The following STK3 variants were observed in gnomAD, a reference collection of about 807,000 sequenced individuals.
STK3 encodes serine/threonine-protein kinase 3.
A neutral mutation model predicts 58.0 loss-of-function variants in STK3; 41 were observed. That is an observed-to-expected ratio of 0.71 (90% CI 0.55 to 0.92). The LOEUF (loss-of-function observed/expected upper bound fraction) is 0.92, where lower values mean the gene tolerates loss of function less well. STK3 is among the 40% of genes least tolerant of loss of function. The pLI, the probability that STK3 is intolerant of heterozygous loss-of-function variation, is 0.00. For missense variants in STK3, 479 were observed against 602.7 expected, an observed-to-expected ratio of 0.79 and a Z score of 2.15; for synonymous variants, 170 against 191.0, an observed-to-expected ratio of 0.89 and a Z score of 0.91.
Position 98,774,782 on chromosome 8 carries a change from G to T in STK3, c.64C>A (p.Gln22Lys). The T allele has an allele frequency of 1.3e-6, 2 of 1,584,394 alleles. No individual in the cohort carries two copies. Among genetic ancestry groups the T allele is most frequent in the Admixed American group, 1.8e-5 (1 of 56,142 alleles). The change falls in exon 2 of 11, where the codon CAG becomes AAG. Residue 22 changes from glutamine (Q) to lysine (K), a missense_variant. Physicochemically the swap from Gln to Lys is moderately conservative, Grantham distance 53 (BLOSUM62 1). Transcript: ENST00000419617. Reference protein sequence around the residue: ...KKLSEDSLTKQPEEVFDVLEK... With the variant: ...KKLSEDSLTKKPEEVFDVLEK... ...AATACATCAAAAACTTCTTCAGGCT[G>T]CTTAGTCAAACTGTCTTCACTCAGC...
downstream of STK3, among the ~76,000 whole-genome samples, chr8:98,368,760 T>C (rs1299143679): frequency 1.3e-5 from 2 of 152,214 alleles, no homozygotes; most frequent in South Asian, 2.1e-4. Flanking sequence ...CATCTGATGG[T>C]GCCATCTTGG....
intron 3 of STK3, among the ~76,000 whole-genome samples, chr8:98,426,537 C>A (rs1040803256): frequency 6.6e-6 from 1 of 152,018 alleles, no homozygotes; most frequent in African/African-American, 2.4e-5. Flanking sequence ...AAGCCGATCT[C>A]CACCTTGGAC....
At chr8:98,553,025 T>C (rs909051175) in intron 8 of STK3, among the ~76,000 whole-genome samples, 3 of 152,148 alleles carry the variant, frequency 2.0e-5, no homozygotes, top group Non-Finnish European at 4.4e-5. Flanking sequence ...AAGAAAAGTG[T>C]TGACAGTAAA....
At chr8:98,396,420 A>G (rs1817897672), downstream of STK3, among the ~76,000 whole-genome samples, 1 of 152,202 alleles carries the variant, frequency 6.6e-6, no homozygotes, top group African/African-American at 2.4e-5. Flanking sequence ...TCCTGTTGAA[A>G]GAAGAAAGAA....
At chr8:98,457,211 T>C (rs753414208) in intron 10 of STK3, among the ~76,000 whole-genome samples, 1 of 152,254 alleles carries the variant, frequency 6.6e-6, no homozygotes, top group Non-Finnish European at 1.5e-5. Flanking sequence ...ATATATCATA[T>C]GTAGTATTAT....
At chr8:98,697,272 C>T (rs1238973366) in intron 6 of STK3, among the ~76,000 whole-genome samples, 81 of 152,184 alleles carry the variant, frequency 5.3e-4, no homozygotes, top group East Asian at 1.4e-3. Context: ...GTCTTGCTAG[C>T]GGTCTATCAA....
intron 8 of STK3, among the ~76,000 whole-genome samples, chr8:98,549,114 G>T (rs147082270): frequency 3.4e-3 from 521 of 152,080 alleles, no homozygotes; most frequent in Non-Finnish European, 5.9e-3. Flanking sequence ...AGTTTGGTTG[G>T]GTATCTACCT....
chr8:98,677,030 G>A (rs142198748), intron 6 of STK3, among the ~76,000 whole-genome samples: 41 of 152,290 alleles, frequency 2.7e-4, no homozygotes, highest in Middle Eastern at 3.4e-3. Flanking sequence ...GCTTGATACT[G>A]CTTCTGCATT....
intron 10 of STK3, among the ~76,000 whole-genome samples, chr8:98,458,795 C>T (rs753084925): frequency 1.3e-5 from 2 of 152,180 alleles, no homozygotes; most frequent in African/African-American, 2.4e-5. Context: ...TGAGAAGGTC[C>T]AGGCTTGCTT....
chr8:98,451,901 A>AC (rs1402660427), downstream of STK3, among the ~76,000 whole-genome samples: 2 of 54,190 alleles, frequency 3.7e-5, no homozygotes, highest in Non-Finnish European at 4.2e-5. Context: ...AAAAAAAACA[A>AC]AAAAAAAAAC....
intron 3 of STK3, among the ~76,000 whole-genome samples, chr8:98,402,754 G>A (rs557775012): frequency 6.6e-6 from 1 of 152,322 alleles, no homozygotes; most frequent in South Asian, 2.1e-4. Flanking sequence ...CTCAGCCCTA[G>A]AAGAGACTCT....
intron 8 of STK3, among the ~76,000 whole-genome samples, chr8:98,578,427 C>T (rs990929370): frequency 4.6e-5 from 7 of 152,154 alleles, no homozygotes; most frequent in Non-Finnish European, 7.4e-5. Flanking sequence ...TCCATGACAA[C>T]GGCCAAATAA....
At chr8:98,771,744 T>C (rs1740504324) in intron 2 of STK3, among the ~76,000 whole-genome samples, 1 of 152,056 alleles carries the variant, frequency 6.6e-6, no homozygotes, top group African/African-American at 2.4e-5. Context: ...TTTGTATTTT[T>C]AGTAGAGATG....
chr8:98,873,712 A>C (rs200551036), intron 3 of STK3, among the ~76,000 whole-genome samples: 10 of 150,310 alleles, frequency 6.7e-5, no homozygotes, highest in African/African-American at 2.5e-4. Context: ...TTCCTCCATC[A>C]CTTTATTTTG....
intron 1 of STK3, among the ~76,000 whole-genome samples, chr8:98,920,291 T>C (rs959014940): frequency 6.6e-6 from 1 of 152,208 alleles, no homozygotes; most frequent in Non-Finnish European, 1.5e-5. Context: ...TAGTGAATAG[T>C]CTTCATGTGT....
intron 6 of STK3, chr8:98,651,856 T>C (rs867286101): frequency 3.3e-4 from 51 of 152,282 alleles, no homozygotes; most frequent in Middle Eastern, 3.4e-3. Flanking sequence ...CTACGTCTGA[T>C]TGGTGTACCT....
intron 6 of STK3, chr8:98,633,801 G>A: frequency 3.9e-6 from 2 of 508,622 alleles, no homozygotes; most frequent in Non-Finnish European, 7.3e-6. Flanking sequence ...TGGTAAAGCA[G>A]ACATGAATAC....
intron 6 of STK3, among the ~76,000 whole-genome samples, chr8:98,699,886 T>C (rs1198183526): frequency 6.6e-6 from 1 of 152,192 alleles, no homozygotes; most frequent in Non-Finnish European, 1.5e-5. Context: ...ACCACTGCTC[T>C]CTTCAAAGCT....
intron 6 of STK3, among the ~76,000 whole-genome samples, chr8:98,696,949 T>C (rs1384506100): frequency 3.3e-5 from 5 of 152,340 alleles, no homozygotes; most frequent in Admixed American, 6.5e-5. Flanking sequence ...TTCCTCCTTG[T>C]ACCTCTGGTA....
Sources: allele counts gnomAD v4.1 joint callset (sites outside exome capture counted in the v4.1 genomes callset), GRCh38; gene constraint gnomAD v4.1.1; transcripts MANE v1.5; gene names NCBI Gene and HGNC (gene_info 2026-07-23, HGNC 2026-07-21).